SOX6: variants seen among roughly 807,000 people sequenced by gnomAD.
The protein encoded by SOX6 is SRY-box transcription factor 6, also known as transcription factor SOX-6.
In SOX6, 11 loss-of-function variants were observed where a neutral mutation model predicts 97.8. The ratio of observed to expected loss-of-function variants is 0.11; its 90% CI spans 0.07 to 0.19. SOX6 has a LOEUF of 0.19. Among genes scored for constraint, SOX6 ranks in the 10% least tolerant of loss-of-function variants. SOX6 has a pLI of 1.00. For synonymous variants in SOX6, 360 were observed against 371.4 expected, an observed-to-expected ratio of 0.97 and a Z score of 0.35; for missense variants, 810 against 1,039.5, an observed-to-expected ratio of 0.78 and a Z score of 3.04.
intron 3 of SOX6, among the ~76,000 whole-genome samples, chr11:16,687,875 C>T (rs948620418): frequency 5.9e-5 from 9 of 152,294 alleles, no homozygotes; most frequent in African/African-American, 2.2e-4. Context: ...TTTTCATTTG[C>T]ATTACTTCCA....
intron 3 of SOX6, among the ~76,000 whole-genome samples, chr11:16,310,802 A>G (rs939080599): frequency 1.3e-5 from 2 of 152,126 alleles, no homozygotes; most frequent in African/African-American, 4.8e-5. Flanking sequence ...TAAATCTGGG[A>G]TATTATAAGT....
chr11:16,592,890 C>A (rs1848171161), intron 4 of SOX6, among the ~76,000 whole-genome samples: 1 of 151,928 alleles, frequency 6.6e-6, no homozygotes, highest in South Asian at 2.1e-4. Flanking sequence ...AAATAATATA[C>A]CAAGGAACAT....
intron 9 of SOX6, among the ~76,000 whole-genome samples, chr11:16,070,833 C>T (rs991690030): frequency 6.6e-6 from 1 of 152,188 alleles, no homozygotes; most frequent in East Asian, 1.9e-4. Context: ...GAGAATCCTC[C>T]TAACCCCCTA....
chr11:16,663,546 T>C (rs1463082629), intron 3 of SOX6, among the ~76,000 whole-genome samples: 1 of 152,164 alleles, frequency 6.6e-6, no homozygotes, highest in Admixed American at 6.5e-5. Context: ...TGGTCTCAAA[T>C]GCCTGAGCTA....
At chr11:16,667,111 A>G (rs1847812902) in intron 3 of SOX6, among the ~76,000 whole-genome samples, 1 of 151,350 alleles carries the variant, frequency 6.6e-6, no homozygotes, top group East Asian at 2.0e-4. Context: ...CACCTGTCCC[A>G]GCTGAGTAGT....
intron 3 of SOX6, among the ~76,000 whole-genome samples, chr11:16,243,950 T>G (rs1182748669): frequency 6.6e-6 from 1 of 151,974 alleles, no homozygotes; most frequent in Admixed American, 6.6e-5. Context: ...TTGTTTTCAG[T>G]TTAGATGTAT....
intron 3 of SOX6, among the ~76,000 whole-genome samples, chr11:16,700,094 A>G (rs961217905): frequency 2.0e-5 from 3 of 152,178 alleles, no homozygotes; most frequent in Non-Finnish European, 4.4e-5. Context: ...ACTATGATAC[A>G]TGATACAAAG....
At chr11:15,997,845 G>A (rs1316747218) in intron 13 of SOX6, among the ~76,000 whole-genome samples, 1 of 152,154 alleles carries the variant, frequency 6.6e-6, no homozygotes, top group African/African-American at 2.4e-5. Flanking sequence ...TATTTCGGGA[G>A]GCTGAGGTGG....
At chr11:16,614,739 C>A (rs1362612888) in intron 3 of SOX6, among the ~76,000 whole-genome samples, 1 of 152,178 alleles carries the variant, frequency 6.6e-6, no homozygotes, top group African/African-American at 2.4e-5. Flanking sequence ...AGGTCCTCCT[C>A]GGTGAACTGT....
intron 4 of SOX6, among the ~76,000 whole-genome samples, chr11:16,572,345 T>C (rs1439364589): frequency 1.3e-5 from 2 of 152,204 alleles, no homozygotes; most frequent in Admixed American, 6.5e-5. Context: ...TTCATGAATA[T>C]GTCATAGTAA....
At chr11:16,107,393 A>G (rs1002461419) in intron 7 of SOX6, among the ~76,000 whole-genome samples, 1 of 143,190 alleles carries the variant, frequency 7.0e-6, no homozygotes, top group Non-Finnish European at 1.5e-5. Flanking sequence ...ATACATATAT[A>G]TGTATATATA....
intron 1 of SOX6, among the ~76,000 whole-genome samples, chr11:16,371,777 G>A (rs1029423710): frequency 2.0e-5 from 3 of 151,946 alleles, no homozygotes; most frequent in Admixed American, 6.6e-5. Context: ...AAATTACTAC[G>A]TGCCTTTGTT....
intron 12 of SOX6, among the ~76,000 whole-genome samples, chr11:16,030,491 G>T (rs1437474904): frequency 2.0e-5 from 3 of 152,132 alleles, no homozygotes; most frequent in African/African-American, 7.2e-5. Flanking sequence ...TGAAGGTAAA[G>T]CAATATTTAA....
Position 16,613,913 on chromosome 11 carries a change from C to G in SOX6, n.430-1653G>C, listed in dbSNP as rs1848434116. ...TGGCCCAGCAGCCTTGGCGACCTCC[C>G]GGGACCGCCTGAAAGAGAAGCAAAG... On this transcript the variant is annotated intron_variant and non_coding_transcript_variant, in intron 3 of 5. Coordinates refer to the SOX6 transcript ENST00000524520. The surrounding 1 kb of genome is among the most constrained non-coding windows in gnomAD (Gnocchi z 4.6). Among the ~76,000 whole-genome samples, 3 of 152,120 alleles carry G rather than the reference C, an allele frequency of 2.0e-5. No individual in the cohort carries two copies. The highest frequency in any genetic ancestry group is 6.5e-5 in the Admixed American group (1 of 15,278).
chr11:16,263,751 G>A (rs1185807033), intron 3 of SOX6, among the ~76,000 whole-genome samples: 1 of 13,392 alleles, frequency 7.5e-5, no homozygotes, highest in African/African-American at 8.0e-5. Flanking sequence ...TGGTCAAAAT[G>A]TATTTTTTTA....
chr11:16,702,868 C>G (rs1411581109), intron 3 of SOX6, among the ~76,000 whole-genome samples: 1 of 150,598 alleles, frequency 6.6e-6, no homozygotes, highest in Non-Finnish European at 1.5e-5. Context: ...TTGAAATGGT[C>G]TATGTCAAAG....
chr11:16,361,604 AGAGTG>A, intron 1 of SOX6, among the ~76,000 whole-genome samples: 1 of 152,332 alleles, frequency 6.6e-6, no homozygotes, highest in Middle Eastern at 3.4e-3. Context: ...AGCATACCTC[AGAGTG>A]AGCAACCATT....
chr11:16,370,016 G>C (rs545461850), intron 1 of SOX6, among the ~76,000 whole-genome samples: 1 of 151,918 alleles, frequency 6.6e-6, no homozygotes, highest in East Asian at 1.9e-4. Context: ...TAAGCCCCTC[G>C]CAAGTACCAG....
chr11:16,158,243 C>T (rs551580025), intron 6 of SOX6, among the ~76,000 whole-genome samples: 1 of 152,034 alleles, frequency 6.6e-6, no homozygotes, highest in South Asian at 2.1e-4. Context: ...CTCAAATCCC[C>T]CCTTAGTTCC....
Sources: gnomAD v4.1 joint callset for allele counts (sites outside exome capture counted in the v4.1 genomes callset) on GRCh38, gnomAD v4.1.1 for gene constraint, Gnocchi (gnomAD v3.1) non-coding constraint, MANE v1.5 for transcripts, NCBI Gene and HGNC (gene_info 2026-07-23, HGNC 2026-07-21) for gene names.